IL20RA: variants seen among roughly 807,000 people sequenced by gnomAD.
The protein encoded by IL20RA is interleukin-20 receptor subunit alpha.
IL20RA carries 29 observed loss-of-function variants against 36.5 expected under a neutral mutation model. That is an observed-to-expected ratio of 0.79 (90% confidence interval 0.59 to 1.08). The LOEUF (loss-of-function observed/expected upper bound fraction) is 1.08, where lower values mean the gene tolerates loss of function less well. IL20RA is among the 50% of genes least tolerant of loss of function. The pLI is 0.00. For synonymous variants in IL20RA, 279 were observed against 267.1 expected, an observed-to-expected ratio of 1.04 and a Z score of -0.43; for missense variants, 652 against 668.4, an observed-to-expected ratio of 0.98 and a Z score of 0.27.
chr6:137,011,333 A>G lies in IL20RA; in HGVS notation c.344T>C (p.Ile115Thr), dbSNP rs1480836665. ...EHQYYAKVKA[I>T]WGTKCSKWAE... ...CCATTTGGAACACTTTGTTCCCCAA[A>G]TGGCCTTAACTTTGGCATAATACTG... is the stretch of plus-strand genomic sequence containing the variant. Residue 115 changes from isoleucine (I) to threonine (T), a missense_variant, in exon 3 of 7, where the codon ATT (isoleucine) becomes ACT (threonine). By Grantham distance (89) the Ile-to-Thr change is moderately conservative. Coordinates refer to ENST00000316649, the MANE Select transcript of IL20RA (RefSeq NM_014432.4). 1 of 1,614,034 alleles carries G rather than the reference A, an allele frequency of 6.2e-7. No homozygotes were observed. The highest frequency in any genetic ancestry group is 1.1e-5 in the South Asian group (1 of 91,064).
rs1205912648 is a variant in IL20RA, at chr6:137,000,226, G to C, written c.*1332C>G. On this transcript the variant is annotated 3_prime_UTR_variant, in exon 7 of 7. Coordinates refer to ENST00000316649, the MANE Select transcript of IL20RA (RefSeq NM_014432.4). ...AGAATCCATCTCTCCTACCAGGGTT[G>C]TCTGCCTGTACCAATAATATCAATA... 2.6e-5 allele frequency: 4 copies of C among 152,174 alleles called. No individual in the cohort carries two copies. The highest frequency in any genetic ancestry group is 9.7e-5 in the African/African-American group (4 of 41,446). 9.4% of individuals were successfully genotyped at this position (152,174 alleles called of 1,614,324 possible). A position where few individuals can be genotyped will look rare whatever the true frequency, so the allele number is the denominator to read the frequency against.
At chr6:137,042,534 G>C (rs2115433313) in intron 1 of IL20RA, among the ~76,000 whole-genome samples, 1 of 152,308 alleles carries the variant, frequency 6.6e-6, no homozygotes, top group Non-Finnish European at 1.5e-5. Context: ...GTGAAATTCT[G>C]TCCCTGGAGG....
At chr6:137,044,445 G>T (rs1776823768) in intron 1 of IL20RA, 196 bp downstream of exon 1, 2 of 864,680 alleles carry the variant, frequency 2.3e-6, no homozygotes, top group Non-Finnish European at 3.0e-6. Context: ...GGTGCGCGAG[G>T]CGACGGCGAG....
At chr6:137,002,651 T>A (rs1320558724) in intron 6 of IL20RA, among the ~76,000 whole-genome samples, 3 of 152,238 alleles carry the variant, frequency 2.0e-5, no homozygotes, top group Admixed American at 6.5e-5. Flanking sequence ...AGGAGTTGCT[T>A]CATTTCTTGA....
At chr6:137,016,939 G>T in intron 2 of IL20RA, 29 bp downstream of exon 2, 1 of 1,604,224 alleles carries the variant, frequency 6.2e-7, no homozygotes, top group Non-Finnish European at 8.5e-7. Context: ...GTGTTTGTAA[G>T]CTAGCCAAAA....
At position 137,044,225 on chromosome 6, in the gene IL20RA, A is replaced by C. The variant is rs1236090916; in HGVS notation, c.88+416T>G. On this transcript the variant is annotated intron_variant, in intron 1 of 6. Coordinates refer to ENST00000316649, the MANE Select transcript of IL20RA (RefSeq NM_014432.4). ...GCCCGGCGGCCGAGACGCGGCATCC[A>C]CAGGGGCCCCTCCGCGCGGCCGCGG... 8 of 988,148 alleles carry C rather than the reference A, an allele frequency of 8.1e-6. No homozygotes were observed. The South Asian group carries it at 3.8e-4, about 46-fold the overall frequency. 61.2% of individuals were successfully genotyped at this position (988,148 alleles called of 1,614,324 possible).
intron 1 of IL20RA, among the ~76,000 whole-genome samples, chr6:137,019,753 C>T (rs1015045449): frequency 6.6e-6 from 1 of 152,194 alleles, no homozygotes; most frequent in Admixed American, 6.5e-5. Context: ...TGATATTAAA[C>T]CAACAGAATG....
chr6:137,042,984 C>T (rs1027550978), intron 1 of IL20RA: 3 of 152,218 alleles, frequency 2.0e-5, no homozygotes, highest in Non-Finnish European at 4.4e-5. Flanking sequence ...AAAGTAGTAT[C>T]AAGGTCTCTT....
chr6:137,025,828 CT>C (rs1270415152), intron 1 of IL20RA, among the ~76,000 whole-genome samples: 7 of 152,108 alleles, frequency 4.6e-5, no homozygotes, highest in African/African-American at 1.7e-4. Context: ...AAAGTTGTTT[CT>C]TTTTAGTTGT....
chr6:137,025,609 T>TA (rs1776059316), intron 1 of IL20RA, among the ~76,000 whole-genome samples: 1 of 152,220 alleles, frequency 6.6e-6, no homozygotes, highest in African/African-American at 2.4e-5. Context: ...AGTAGGAAGA[T>TA]AATGGATTAA....
intron 6 of IL20RA, 139 bp from the exon 7 acceptor site, chr6:137,002,494 C>CA: frequency 1.6e-6 from 1 of 631,908 alleles, no homozygotes; most frequent in Non-Finnish European, 2.7e-6. Context: ...GTTATGCTTG[C>CA]AATATACAGA....
At chr6:137,044,593 C>T in intron 1 of IL20RA, 48 bp downstream of exon 1, 1 of 1,216,878 alleles carries the variant, frequency 8.2e-7, no homozygotes, top group Non-Finnish European at 1.0e-6. Context: ...GGCGGGGCCC[C>T]GGCCTGGAGG....
intron 2 of IL20RA, among the ~76,000 whole-genome samples, chr6:137,012,532 T>C (rs2115379874): frequency 6.6e-6 from 1 of 152,256 alleles, no homozygotes; most frequent in South Asian, 2.1e-4. Flanking sequence ...CCACTGCAGA[T>C]GCCCAGTGGG....
chr6:137,024,499 G>C (rs276487), intron 1 of IL20RA, among the ~76,000 whole-genome samples: 124,977 of 152,246 alleles, frequency 0.82, 56,628 homozygotes, highest in East Asian at 1. Context: ...AAAGCCATTG[G>C]ATTGGTGCAC....
chr6:137,017,547 A>G (rs1775747105), intron 1 of IL20RA, among the ~76,000 whole-genome samples: 1 of 152,218 alleles, frequency 6.6e-6, no homozygotes, highest in Non-Finnish European at 1.5e-5. Flanking sequence ...GAAATTTAAG[A>G]AATAATAAAA....
chr6:137,030,070 G>GATTTTT (rs1776221303), intron 1 of IL20RA, among the ~76,000 whole-genome samples: 1 of 62,804 alleles, frequency 1.6e-5, no homozygotes, highest in Non-Finnish European at 2.7e-5. Flanking sequence ...CGGTTTGCGG[G>GATTTTT]TTTTTTTTTT....
chr6:137,009,583 TA>T, intron 3 of IL20RA, 91 bp from the exon 4 acceptor site: 1 of 559,790 alleles, frequency 1.8e-6, no homozygotes, highest in Non-Finnish European at 3.1e-6. Context: ...ATCAAGGCCC[TA>T]AAAGACATCC....
intron 2 of IL20RA, among the ~76,000 whole-genome samples, chr6:137,013,202 A>G (rs1336267225): frequency 1.3e-5 from 2 of 152,174 alleles, no homozygotes; most frequent in East Asian, 1.9e-4. Context: ...ATGAGTCATC[A>G]AAGAGTCCTG....
At chr6:137,008,566 T>C (rs769018271) in intron 5 of IL20RA, 33 bp downstream of exon 5, 2 of 1,553,600 alleles carry the variant, frequency 1.3e-6, no homozygotes, top group Non-Finnish European at 1.7e-6. Flanking sequence ...GCAGATCTCC[T>C]TCCTAGACCA....
Sources: allele counts gnomAD v4.1 joint callset (sites outside exome capture counted in the v4.1 genomes callset), GRCh38; gene constraint gnomAD v4.1.1; transcripts MANE v1.5; gene names NCBI Gene and HGNC (gene_info 2026-07-23, HGNC 2026-07-21).